The following CACNG6 variants were observed in gnomAD, a reference collection of about 807,000 sequenced individuals.
The protein encoded by CACNG6 is calcium voltage-gated channel auxiliary subunit gamma 6.
A neutral mutation model predicts 23.9 loss-of-function variants in CACNG6; 21 were observed. The ratio of observed to expected loss-of-function variants is 0.88; its 90% CI spans 0.62 to 1.26. CACNG6 has a LOEUF of 1.26. Among genes scored for constraint, CACNG6 ranks in the 50% most tolerant of loss-of-function variants. CACNG6 has a pLI of 0.00. For missense variants in CACNG6, 340 were observed against 352.9 expected (o/e 0.96, Z 0.29); for synonymous variants, 182 against 168.9 (o/e 1.08, Z -0.60).
Position 54,012,108 on chromosome 19 carries a change from G to A in CACNG6, c.702G>A (p.Gly234=). The part of the protein sequence containing the change: ...GVGAGLILLL[G]AGCFLLLTLP... Reference sequence around the variant, plus strand: ...GGGCCGGCCTGATCCTGCTGTTGGGGGCCGGCTGCTTTCTGCTGCTCACAC... The same window carrying A: ...GGGCCGGCCTGATCCTGCTGTTGGGAGCCGGCTGCTTTCTGCTGCTCACAC... Residue 234 remains glycine (G), a synonymous_variant, in exon 4 of 4, where the codon GGG becomes GGA. Transcript: ENST00000252729. 1 of 1,572,960 alleles carries A rather than the reference G, an allele frequency of 6.4e-7. No homozygotes were observed. The highest frequency in any genetic ancestry group is 1.9e-5 in the Admixed American group (1 of 53,452).
chr19:53,993,191 C>G lies in CACNG6; in HGVS notation c.314C>G (p.Pro105Arg), dbSNP rs1600051480. 1 of 1,541,526 alleles carries G rather than the reference C, an allele frequency of 6.5e-7. No individual in the cohort carries two copies. The highest frequency in any genetic ancestry group is 1.4e-5 in the African/African-American group (1 of 73,040). ...DVPVDRDTCG[P>R]AELPGEANCT... ...CCCGTGGACAGGGACACCTGCGGCC[C>G]CGCGGAGCTGCCCGGAGGTGAGCAG... Residue 105 changes from proline to arginine, a missense_variant, in exon 1 of 4, where the codon CCC becomes CGC. Pro to Arg is a moderately radical substitution (Grantham distance 103). Coordinates refer to ENST00000252729, the MANE Select transcript of CACNG6 (RefSeq NM_145814.2).
chr19:53,999,886 C>A, intron 3 of CACNG6, 115 bp downstream of exon 3: 1 of 1,292,600 alleles, frequency 7.7e-7, no homozygotes, highest in Non-Finnish European at 1.1e-6. Context: ...GAGATGGAAT[C>A]TCTATGCACT....
intron 3 of CACNG6, among the ~76,000 whole-genome samples, chr19:54,006,395 C>T (rs1320431395): frequency 1.3e-5 from 2 of 151,944 alleles, no homozygotes; most frequent in East Asian, 3.9e-4. Context: ...GGTCTAAGAC[C>T]AACGCGTCCA....
rs1252688676 is a variant in CACNG6 at position 54,004,473 on chromosome 19, C to A, written c.544+4702C>A. 2.6e-5 allele frequency among the ~76,000 whole-genome samples: 4 copies of A among 151,692 alleles called. No homozygotes were observed. In the East Asian group the frequency reaches 7.8e-4, roughly 29 times the overall value. ...CCTCAGGTGATCTGCCCGCCTCAGCCTCCCAAAGTGTTGGGATTACAGGTG... is the reference window on the plus strand; with the variant it reads ...CCTCAGGTGATCTGCCCGCCTCAGCATCCCAAAGTGTTGGGATTACAGGTG... On this transcript the variant is annotated intron_variant, in intron 3 of 3. Transcript: ENST00000252729.
At chr19:54,011,577 C>CG (rs2069715251) in intron 3 of CACNG6, among the ~76,000 whole-genome samples, 1 of 151,962 alleles carries the variant, frequency 6.6e-6, no homozygotes, top group Non-Finnish European at 1.5e-5. Flanking sequence ...TTCCAGCGTA[C>CG]GGTTCTGTGG....
At position 53,993,165 on chromosome 19, in the gene CACNG6, G is replaced by T; in HGVS notation, c.288G>T (p.Val96=). The change falls in exon 1 of 4, where the codon GTG becomes GTT. Residue 96 remains valine, a synonymous_variant. Coordinates refer to ENST00000252729, the MANE Select transcript of CACNG6 (RefSeq NM_145814.2). ...CCAAGCGGCTGTGGCAGGCGGACGTGCCCGTGGACAGGGACACCTGCGGCC... is the reference window on the plus strand; with the variant it reads ...CCAAGCGGCTGTGGCAGGCGGACGTTCCCGTGGACAGGGACACCTGCGGCC... ...ACTKRLWQAD[V]PVDRDTCGPA... The T allele has an allele frequency of 4.5e-6, 7 of 1,544,296 alleles. No homozygotes were observed. The highest frequency in any genetic ancestry group is 6.1e-6 in the Non-Finnish European group (7 of 1,146,058).
At chr19:53,994,517 C>G (rs904132096) in intron 1 of CACNG6, among the ~76,000 whole-genome samples, 1 of 152,138 alleles carries the variant, frequency 6.6e-6, no homozygotes, top group Non-Finnish European at 1.5e-5. Flanking sequence ...ATGAAATCTC[C>G]TTCTACCTCC....
At position 53,993,018 on chromosome 19, in the gene CACNG6, C is replaced by T. The variant is rs1381839139; in HGVS notation, c.141C>T (p.Ala47=). Residue 47 remains alanine (A), a synonymous_variant, in exon 1 of 4, where the codon GCC becomes GCT. Transcript: ENST00000252729. ...GKVKLALLLA[A]VGATLAVLSV... is the part of the protein sequence containing the mutation. ...TGAAGCTGGCGCTGCTGCTGGCCGCCGTGGGCGCCACGCTGGCGGTGCTGT... is the reference window on the plus strand; with the variant it reads ...TGAAGCTGGCGCTGCTGCTGGCCGCTGTGGGCGCCACGCTGGCGGTGCTGT... 7 of 1,465,706 alleles carry T rather than the reference C, an allele frequency of 4.8e-6. No individual in the cohort carries two copies. Among genetic ancestry groups the T allele is most frequent in the Non-Finnish European group, 5.4e-6 (6 of 1,109,570 alleles). 90.8% of individuals were successfully genotyped at this position (1,465,706 alleles called of 1,614,324 possible).
chr19:53,993,619 A>G (rs1220060251), intron 1 of CACNG6, among the ~76,000 whole-genome samples: 3 of 148,002 alleles, frequency 2.0e-5, no homozygotes, highest in African/African-American at 5.0e-5. Context: ...GCCCCCGCCT[A>G]CAGCCTGTGC....
chr19:54,010,085 A>G (rs1246146334), intron 3 of CACNG6, among the ~76,000 whole-genome samples: 3 of 122,000 alleles, frequency 2.5e-5, no homozygotes, highest in Non-Finnish European at 4.8e-5. Context: ...CAATGGCGTG[A>G]TCTTGGCTCA....
chr19:54,012,101 T>C lies in CACNG6; in HGVS notation c.695T>C (p.Leu232Pro). The C allele has an allele frequency of 6.3e-7, 1 of 1,576,194 alleles. No individual in the cohort carries two copies. The highest frequency in any genetic ancestry group is 2.3e-5 in the East Asian group (1 of 42,614). ...GCGVGAGLIL[L>P]LGAGCFLLLT... is the part of the protein sequence containing the mutation. ...GGCGTGGGGGCCGGCCTGATCCTGC[T>C]GTTGGGGGCCGGCTGCTTTCTGCTG... is the stretch of plus-strand genomic sequence containing the variant. Residue 232 changes from leucine to proline, a missense_variant, in exon 4 of 4, where the codon CTG becomes CCG. Leu to Pro is a moderately conservative substitution (Grantham distance 98). Transcript: ENST00000252729.
At chr19:54,003,442 C>T (rs1241099680) in intron 3 of CACNG6, among the ~76,000 whole-genome samples, 2 of 152,100 alleles carry the variant, frequency 1.3e-5, no homozygotes, top group Non-Finnish European at 2.9e-5. Context: ...CTCACTGCAA[C>T]CTCTGCCTCC....
intron 3 of CACNG6, among the ~76,000 whole-genome samples, chr19:54,009,939 A>C (rs2069687629): frequency 6.6e-6 from 1 of 151,886 alleles, no homozygotes; most frequent in East Asian, 1.9e-4. Context: ...AAAAATAAAA[A>C]ATAAAAAATT....
In CACNG6 at chr19:53,999,725, T is replaced by C; in HGVS notation, c.498T>C (p.Gly166=). 1.2e-6 allele frequency: 2 copies of C among 1,614,086 alleles called. No individual in the cohort carries two copies. Among genetic ancestry groups the C allele is most frequent in the Non-Finnish European group, 1.7e-6 (2 of 1,180,038 alleles). The change falls in exon 3 of 4, where the codon GGT becomes GGC. Residue 166 remains glycine (G), a synonymous_variant. Transcript: ENST00000252729. ...GTATCATCATGGTGCTCAGTAAAGGTGCAGAGTTCCTGCTCCGAGTTGGAG... is the reference window on the plus strand; with the variant it reads ...GTATCATCATGGTGCTCAGTAAAGGCGCAGAGTTCCTGCTCCGAGTTGGAG... The part of the protein sequence containing the change: ...CLCIIMVLSK[G]AEFLLRVGAV...
chr19:54,001,592 C>T (rs1158690836), intron 3 of CACNG6, among the ~76,000 whole-genome samples: 1 of 152,210 alleles, frequency 6.6e-6, no homozygotes, highest in African/African-American at 2.4e-5. Context: ...TCCTACCAAG[C>T]TACAAATTCC....
chr19:54,007,705 C>T (rs388202), intron 3 of CACNG6, among the ~76,000 whole-genome samples: 5,713 of 150,976 alleles, frequency 0.038, 329 homozygotes, highest in African/African-American at 0.13. Flanking sequence ...GAGACCAGCC[C>T]GGGGCAATGT....
At chr19:54,000,846 C>T (rs1475025238) in intron 3 of CACNG6, among the ~76,000 whole-genome samples, 1 of 152,134 alleles carries the variant, frequency 6.6e-6, no homozygotes, top group Non-Finnish European at 1.5e-5. Flanking sequence ...TCCCAAAGTG[C>T]TGGGATTATA....
chr19:54,003,711 A>G (rs1344493588), intron 3 of CACNG6, among the ~76,000 whole-genome samples: 2 of 152,110 alleles, frequency 1.3e-5, no homozygotes, highest in African/African-American at 4.8e-5. Flanking sequence ...TTTTGAATGC[A>G]AACACTTCCC....
intron 3 of CACNG6, among the ~76,000 whole-genome samples, chr19:54,000,255 C>A (rs562534429): frequency 6.6e-6 from 1 of 152,150 alleles, no homozygotes; most frequent in Non-Finnish European, 1.5e-5. Context: ...AACATGGAGT[C>A]CCCAAACACT....
Sources: gnomAD v4.1 joint callset for allele counts (sites outside exome capture counted in the v4.1 genomes callset) on GRCh38, gnomAD v4.1.1 for gene constraint, MANE v1.5 for transcripts, NCBI Gene and HGNC (gene_info 2026-07-23, HGNC 2026-07-21) for gene names.